The following GPHN variants were observed in gnomAD, a reference collection of about 807,000 sequenced individuals.
The protein encoded by GPHN is gephyrin.
GPHN carries 17 observed loss-of-function variants against 95.5 expected under a neutral mutation model. The ratio of observed to expected loss-of-function variants is 0.18; its 90% CI spans 0.12 to 0.27. The LOEUF is 0.27. GPHN is among the 10% of genes least tolerant of loss of function. The pLI is 1.00. For missense variants in GPHN, 660 were observed against 978.1 expected, an observed-to-expected ratio of 0.67 and a Z score of 4.34; for synonymous variants, 320 against 322.5, an observed-to-expected ratio of 0.99 and a Z score of 0.08.
the GPHN span, chr14:67,678,091 A>T: frequency 8.8e-6 from 4 of 455,150 alleles, no homozygotes; most frequent in Non-Finnish European, 1.6e-5. Context: ...TCCTATTATG[A>T]TATCTCTAGT....
At position 66,757,212 on chromosome 14, in the gene GPHN, T is replaced by C. The variant is rs548321197; in HGVS notation, c.144-19252T>C. ...TTTATTTGAACTAAAGTTGATACAATCTCCAAGAACTAGAAGTATTTATTA... is the reference window on the plus strand; with the variant it reads ...TTTATTTGAACTAAAGTTGATACAACCTCCAAGAACTAGAAGTATTTATTA... On this transcript the variant is annotated intron_variant, in intron 2 of 22. Transcript: ENST00000478722. Among the ~76,000 whole-genome samples the C allele has an allele frequency of 2.6e-5, 4 of 152,224 alleles. No individual in the cohort carries two copies. The East Asian group carries it at 7.7e-4, about 29-fold the overall frequency.
chr14:66,557,052 A>C (rs531987099), intron 1 of GPHN, among the ~76,000 whole-genome samples: 2 of 152,038 alleles, frequency 1.3e-5, no homozygotes, highest in East Asian at 3.9e-4. Flanking sequence ...AAACTAAAAA[A>C]TAAAATTAGC....
chr14:67,327,125 G>T, the GPHN span, among the ~76,000 whole-genome samples: 2 of 151,950 alleles, frequency 1.3e-5, no homozygotes, highest in Non-Finnish European at 2.9e-5. Flanking sequence ...CAGTGAACCG[G>T]GATTGCGCCA....
chr14:67,043,385 G>C lies in GPHN; in HGVS notation c.1007-15264G>C, dbSNP rs1052510328. 3.9e-5 allele frequency among the ~76,000 whole-genome samples: 6 copies of C among 152,010 alleles called. No individual in the cohort carries two copies. The South Asian group carries it at 1.2e-3, about 32-fold the overall frequency. The stretch of plus-strand genomic sequence containing the variant: ...TGTGGGCTTGTCATAAATAGCTCTT[G>C]TTATTTTGAGATGTGTTCCATCAAT... On this transcript the variant is annotated intron_variant, in intron 10 of 22. Transcript: ENST00000478722.
At chr14:67,649,926 G>GC in the GPHN span, 2 of 152,144 alleles carry the variant, frequency 1.3e-5, no homozygotes, top group Non-Finnish European at 2.9e-5. Context: ...AGAGGGGTGA[G>GC]CATAGTAGCA....
chr14:67,274,400 T>C, the GPHN span, among the ~76,000 whole-genome samples: 12,083 of 152,224 alleles, frequency 0.079, 1,137 homozygotes, highest in African/African-American at 0.23. Flanking sequence ...CATTTTTGTT[T>C]TTGTCAGGTT....
At chr14:67,541,284 A>C in the GPHN span, among the ~76,000 whole-genome samples, 1 of 152,202 alleles carries the variant, frequency 6.6e-6, no homozygotes, top group Non-Finnish European at 1.5e-5. Context: ...GTGACCTTGG[A>C]TGCATCTGTT....
intron 4 of GPHN, among the ~76,000 whole-genome samples, chr14:66,857,356 G>C (rs2062845026): frequency 6.6e-6 from 1 of 152,024 alleles, no homozygotes. Flanking sequence ...ATCTCAAGAA[G>C]GATAAATAAA....
chr14:67,219,117 T>G, the GPHN span, among the ~76,000 whole-genome samples: 1 of 152,020 alleles, frequency 6.6e-6, no homozygotes, highest in African/African-American at 2.4e-5. Context: ...GAGTAGGAAG[T>G]GCATACCTTG....
chr14:67,111,604 T>G (rs2078376483), intron 14 of GPHN, among the ~76,000 whole-genome samples: 1 of 152,116 alleles, frequency 6.6e-6, no homozygotes, highest in African/African-American at 2.4e-5. Flanking sequence ...ATAAACAAGA[T>G]TTAATATTTG....
chr14:67,717,746 T>A, the GPHN span: 1 of 152,228 alleles, frequency 6.6e-6, no homozygotes, highest in African/African-American at 2.4e-5. Context: ...GAACAGCCAC[T>A]CACAGGAAAG....
chr14:66,918,950 T>C lies in GPHN; in HGVS notation c.456+2881T>C, dbSNP rs545425126. 2.2e-4 allele frequency among the ~76,000 whole-genome samples: 33 copies of C among 152,304 alleles called. No homozygotes were observed. In the South Asian group the frequency reaches 2.7e-3, roughly 12 times the overall value. Reference sequence around the variant, plus strand: ...TTTTTACATCTTAGATTTTAAGCTATTACTTCAAATGTGAAAGAGAAAGAC... The same window carrying C: ...TTTTTACATCTTAGATTTTAAGCTACTACTTCAAATGTGAAAGAGAAAGAC... On this transcript the variant is annotated intron_variant, in intron 6 of 22. Transcript: ENST00000478722.
the GPHN span, among the ~76,000 whole-genome samples, chr14:67,277,679 G>C: frequency 6.6e-6 from 1 of 152,054 alleles, no homozygotes; most frequent in African/African-American, 2.4e-5. Context: ...CTGAGAAATA[G>C]CTTGATGAAA....
the GPHN span, chr14:67,574,474 G>A: frequency 3.9e-6 from 5 of 1,274,370 alleles, no homozygotes; most frequent in Non-Finnish European, 5.2e-6. The surrounding 1 kb of genome is among the most constrained non-coding windows in gnomAD (Gnocchi z 4.2). Flanking sequence ...TTGGGGTGCC[G>A]AGGGTGGTGG....
the GPHN span, chr14:67,570,100 C>G: frequency 1.1e-6 from 1 of 932,020 alleles, no homozygotes; most frequent in Non-Finnish European, 1.7e-6. Context: ...GCTCTAGGGC[C>G]AGGCTTCTGC....
the GPHN span, chr14:67,381,712 T>G: frequency 6.4e-7 from 1 of 1,554,862 alleles, no homozygotes; most frequent in Non-Finnish European, 8.9e-7. Flanking sequence ...GTTGTCTCCC[T>G]CCCTGCTGAA....
At chr14:66,827,225 G>A (rs149027402) in intron 4 of GPHN, among the ~76,000 whole-genome samples, 3 of 151,958 alleles carry the variant, frequency 2.0e-5, no homozygotes, top group African/African-American at 7.2e-5. Flanking sequence ...TAGAGGTTTC[G>A]GCGAGCAGAG....
At chr14:67,617,796 C>T in the GPHN span, among the ~76,000 whole-genome samples, 163 of 152,300 alleles carry the variant, frequency 1.1e-3, 1 homozygote, top group Non-Finnish European at 1.1e-3. Context: ...TCTTGGCTCA[C>T]CGCAATCTCC....
At chr14:67,028,300 T>C (rs2074026150) in intron 10 of GPHN, among the ~76,000 whole-genome samples, 1 of 152,242 alleles carries the variant, frequency 6.6e-6, no homozygotes, top group South Asian at 2.1e-4. Flanking sequence ...ATATCTTGGC[T>C]ATGGTGAACA....
Sources: allele counts gnomAD v4.1 joint callset (sites outside exome capture counted in the v4.1 genomes callset), GRCh38; gene constraint gnomAD v4.1.1; non-coding constraint Gnocchi (gnomAD v3.1); transcripts MANE v1.5; gene names NCBI Gene and HGNC (gene_info 2026-07-23, HGNC 2026-07-21).